USH2A: variants seen among roughly 807,000 people sequenced by gnomAD.
The protein encoded by USH2A is usherin, also known as Usher syndrome 2A (autosomal recessive, mild).
USH2A carries 443 observed loss-of-function variants against 538.9 expected under a neutral mutation model. The ratio of observed to expected loss-of-function variants is 0.82; its 90% CI spans 0.76 to 0.89. The LOEUF is 0.89. Among genes scored for constraint, USH2A ranks in the 40% least tolerant of loss-of-function variants. The probability of loss-of-function intolerance (pLI) is 0.00; values close to 1 mark genes in which losing one functional copy is unlikely to be tolerated. For missense variants in USH2A, 6,633 were observed against 6,324.8 expected (o/e 1.05, Z -1.65); for synonymous variants, 2,413 against 2,273.5 (o/e 1.06, Z -1.75).
At chr1:215,902,550 C>T (rs1170681694) in intron 38 of USH2A, among the ~76,000 whole-genome samples, 2 of 152,120 alleles carry the variant, frequency 1.3e-5, no homozygotes, top group Admixed American at 6.6e-5. Flanking sequence ...CAAATGAATA[C>T]TGTGTATACA....
At chr1:215,980,871 TG>T (rs1199447508) in intron 35 of USH2A, among the ~76,000 whole-genome samples, 1 of 152,142 alleles carries the variant, frequency 6.6e-6, no homozygotes, top group Non-Finnish European at 1.5e-5. Flanking sequence ...ATATTTAGAA[TG>T]TTTTTATACT....
intron 70 of USH2A, among the ~76,000 whole-genome samples, chr1:215,630,466 ATGTG>A (rs1191573991): frequency 6.6e-4 from 76 of 114,624 alleles, no homozygotes; most frequent in African/African-American, 2.5e-3. Flanking sequence ...ATATATATGT[ATGTG>A]TATGTGTGTG....
intron 7 of USH2A, 142 bp from the exon 8 acceptor site, chr1:216,323,837 A>G: frequency 1.3e-6 from 1 of 795,352 alleles, no homozygotes; most frequent in Non-Finnish European, 2.0e-6. Context: ...CATATATTTC[A>G]TATATAAACA....
intron 11 of USH2A, among the ~76,000 whole-genome samples, chr1:216,267,197 A>G (rs1240318344): frequency 6.6e-6 from 1 of 152,060 alleles, no homozygotes; most frequent in Non-Finnish European, 1.5e-5. Context: ...GGAGTCCTCT[A>G]AATGAAAAGA....
intron 4 of USH2A, among the ~76,000 whole-genome samples, chr1:216,342,531 T>C (rs1292684828): frequency 6.6e-6 from 1 of 152,126 alleles, no homozygotes; most frequent in African/African-American, 2.4e-5. Flanking sequence ...GAAAGACACA[T>C]GCACACATAT....
chr1:216,219,676 T>C (rs2035417216), intron 14 of USH2A, among the ~76,000 whole-genome samples: 1 of 152,170 alleles, frequency 6.6e-6, no homozygotes, highest in Non-Finnish European at 1.5e-5. Context: ...GTAATATTAA[T>C]ATAAAGAAAC....
intron 47 of USH2A, among the ~76,000 whole-genome samples, chr1:215,836,518 A>AATATATATTATATATATAT (rs1663520291): frequency 7.6e-5 from 2 of 26,316 alleles, no homozygotes; most frequent in Non-Finnish European, 1.4e-4. Flanking sequence ...ATATATATAT[A>AATATATATTATATATATAT]ATATATATTA....
intron 60 of USH2A, among the ~76,000 whole-genome samples, chr1:215,730,743 G>A (rs1659972594): frequency 2.0e-5 from 3 of 152,218 alleles, no homozygotes; most frequent in African/African-American, 7.2e-5. Context: ...CATGCTGGAA[G>A]CTATAGAGGC....
At chr1:216,033,656 G>A (rs1012969229) in intron 32 of USH2A, among the ~76,000 whole-genome samples, 2 of 151,970 alleles carry the variant, frequency 1.3e-5, no homozygotes, top group African/African-American at 4.8e-5. Flanking sequence ...TTCAAGACCA[G>A]CCTGGGCAAC....
intron 19 of USH2A, among the ~76,000 whole-genome samples, chr1:216,194,644 C>T (rs2034797823): frequency 6.6e-6 from 1 of 152,076 alleles, no homozygotes. Context: ...TTTAGGAGTT[C>T]AAGTGGCCTG....
chr1:215,801,704 A>G (rs1278248145), intron 49 of USH2A, among the ~76,000 whole-genome samples: 2 of 152,152 alleles, frequency 1.3e-5, no homozygotes, highest in Admixed American at 6.5e-5. Flanking sequence ...AGTACTGCTC[A>G]AGTGATCTAC....
In USH2A at chr1:216,083,361, A is replaced by C. The variant is rs534255169; in HGVS notation, c.5298+95T>G. 6.4e-5 allele frequency: 87 copies of C among 1,364,754 alleles called. No homozygotes were observed. The African/African-American group carries it at 9.3e-4, about 15-fold the overall frequency. 84.5% of individuals were successfully genotyped at this position (1,364,754 alleles called of 1,614,324 possible). ...AATGAACAAATGTGAATTTGTAAAG[A>C]AACCCCAATTAAGTGTAATGCCAAC... On this transcript the variant is annotated intron_variant, in intron 26 of 71. Coordinates refer to ENST00000307340, the MANE Select transcript of USH2A (RefSeq NM_206933.4).
chr1:215,836,529 TATATATATATATAATATATA>T (rs1558120171), intron 47 of USH2A, among the ~76,000 whole-genome samples: 922 of 26,298 alleles, frequency 0.035, 148 homozygotes, highest in Middle Eastern at 0.097. Flanking sequence ...ATATATATTA[TATATATATATATAATATATA>T]TATATATATA....
At chr1:216,135,563 A>G (rs1411397307) in intron 21 of USH2A, among the ~76,000 whole-genome samples, 3 of 152,192 alleles carry the variant, frequency 2.0e-5, no homozygotes, top group African/African-American at 4.8e-5. Flanking sequence ...TGTTACAGCT[A>G]AAGGGTAATA....
chr1:215,859,555 C>G (rs940791630), intron 44 of USH2A, among the ~76,000 whole-genome samples: 1 of 152,054 alleles, frequency 6.6e-6, no homozygotes, highest in Non-Finnish European at 1.5e-5. Flanking sequence ...AAGTAGTATT[C>G]TCCCATGCAA....
At chr1:216,117,023 TCATG>T (rs1376452224) in intron 21 of USH2A, among the ~76,000 whole-genome samples, 1 of 152,128 alleles carries the variant, frequency 6.6e-6, no homozygotes, top group African/African-American at 2.4e-5. Context: ...ATGACTTAAC[TCATG>T]GCCATTACCT....
intron 69 of USH2A, among the ~76,000 whole-genome samples, chr1:215,637,382 T>C (rs1343323339): frequency 6.6e-6 from 1 of 152,146 alleles, no homozygotes; most frequent in African/African-American, 2.4e-5. Context: ...GCACATGAGG[T>C]GATTCCTATG....
At chr1:215,722,799 T>C (rs1465963839) in intron 61 of USH2A, among the ~76,000 whole-genome samples, 1 of 152,208 alleles carries the variant, frequency 6.6e-6, no homozygotes, top group African/African-American at 2.4e-5. Context: ...GATCTGGGCT[T>C]GACGTTTTAT....
chr1:215,997,432 C>T (rs989124787), intron 34 of USH2A, among the ~76,000 whole-genome samples: 2 of 151,908 alleles, frequency 1.3e-5, no homozygotes, highest in Non-Finnish European at 2.9e-5. Flanking sequence ...GTTCAATGTT[C>T]TAATTTTAGA....
Sources: allele counts gnomAD v4.1 joint callset (sites outside exome capture counted in the v4.1 genomes callset), GRCh38; gene constraint gnomAD v4.1.1; transcripts MANE v1.5; gene names NCBI Gene and HGNC (gene_info 2026-07-23, HGNC 2026-07-21).